Variants in LRRC1 observed in about 807,000 individuals in gnomAD.
The protein encoded by LRRC1 is leucine-rich repeat-containing protein 1.
Under a neutral mutation model 69.9 loss-of-function variants are expected in LRRC1, and 28 were observed. The ratio of observed to expected loss-of-function variants is 0.40; its 90% CI spans 0.30 to 0.55. The LOEUF (loss-of-function observed/expected upper bound fraction) is 0.55. LRRC1 is among the 20% of genes least tolerant of loss of function. LRRC1 has a pLI of 0.47. For synonymous variants in LRRC1, 236 were observed against 240.2 expected (o/e 0.98, Z 0.16); for missense variants, 498 against 609.0 (o/e 0.82, Z 1.92).
At chr6:53,833,962 G>A (rs1363427661) in intron 1 of LRRC1, among the ~76,000 whole-genome samples, 1 of 152,156 alleles carries the variant, frequency 6.6e-6, no homozygotes, top group African/African-American at 2.4e-5. Context: ...TATGAAAATT[G>A]TTCAGCATTA....
Position 53,899,842 on chromosome 6 carries a change from G to A in LRRC1, c.738G>A (p.Thr246=), listed in dbSNP as rs530175448. Residue 246 remains threonine, a synonymous_variant, in exon 8 of 14, where the codon ACG becomes ACA. Coordinates refer to ENST00000370888, the MANE Select transcript of LRRC1 (RefSeq NM_018214.5). ...AAATCAGTGGCCTGACTTCATTAAC[G>A]GATTTAGTCATTTCCCAGAACTTAT... ...PEEISGLTSL[T]DLVISQNLLE... The A allele has an allele frequency of 1.1e-5, 18 of 1,613,978 alleles. No homozygotes were observed. Among genetic ancestry groups the A allele is most frequent in the South Asian group, 7.7e-5 (7 of 91,074 alleles).
At chr6:53,911,143 C>T (rs530685736) in intron 10 of LRRC1, among the ~76,000 whole-genome samples, 2 of 152,280 alleles carry the variant, frequency 1.3e-5, no homozygotes, top group Admixed American at 1.3e-4. Context: ...TGCTTTCCAC[C>T]CCTTGACGTC....
intron 4 of LRRC1, among the ~76,000 whole-genome samples, chr6:53,885,878 C>T (rs1176372103): frequency 6.6e-6 from 1 of 152,186 alleles, no homozygotes; most frequent in African/African-American, 2.4e-5. Flanking sequence ...AGAGCTAGAA[C>T]TGGACTACGG....
In LRRC1 at chr6:53,909,061, G is replaced by A. The variant is rs184234289; in HGVS notation, c.990+4599G>A. Among the ~76,000 whole-genome samples the A allele has an allele frequency of 7.2e-3, 1,101 of 152,236 alleles. 4 individuals carry two copies. The highest frequency in any genetic ancestry group is 0.01 in the Non-Finnish European group (711 of 68,012). ...TTTGATTCTGCAATTCCACGTCTAG[G>A]AAAACATTTATGGATATACACTAAG... On this transcript the variant is annotated intron_variant, in intron 10 of 13. Coordinates refer to ENST00000370888, the MANE Select transcript of LRRC1 (RefSeq NM_018214.5).
chr6:53,825,121 C>G (rs191949436), intron 1 of LRRC1, among the ~76,000 whole-genome samples: 1 of 152,150 alleles, frequency 6.6e-6, no homozygotes, highest in Non-Finnish European at 1.5e-5. Context: ...TTTCAGTGTC[C>G]TCTGCACTAC....
intron 4 of LRRC1, among the ~76,000 whole-genome samples, chr6:53,890,173 C>T (rs866338929): frequency 7.9e-5 from 12 of 152,096 alleles, no homozygotes; most frequent in South Asian, 2.1e-4. Flanking sequence ...GTTAAAGAAA[C>T]GAATACCCTC....
intron 1 of LRRC1, among the ~76,000 whole-genome samples, chr6:53,832,885 A>G (rs752345183): frequency 8.5e-5 from 13 of 152,186 alleles, no homozygotes; most frequent in Non-Finnish European, 1.5e-4. Flanking sequence ...GTACATATAT[A>G]CAATTTTACA....
At chr6:53,919,153 A>G (rs1768657241) in intron 11 of LRRC1, 1 of 159,898 alleles carries the variant, frequency 6.3e-6, no homozygotes, top group Admixed American at 6.5e-5. Flanking sequence ...GGTCCTTCCA[A>G]AATCACCTTG....
At position 53,919,552 on chromosome 6, in the gene LRRC1, A is replaced by C; in HGVS notation, c.1161A>C (p.Leu387=). 1.9e-6 allele frequency: 3 copies of C among 1,612,548 alleles called. No homozygotes were observed. The highest frequency in any genetic ancestry group is 2.5e-6 in the Non-Finnish European group (3 of 1,179,606). The change falls in exon 12 of 14, where the codon CTA becomes CTC. Residue 387 remains leucine, a synonymous_variant. Transcript: ENST00000370888. Reference sequence around the variant, plus strand: ...CCTTGAAGTTGAAGGCTCTGTGGCTATCTGACAACCAGTCCCAGCCCCTGC... The same window carrying C: ...CCTTGAAGTTGAAGGCTCTGTGGCTCTCTGACAACCAGTCCCAGCCCCTGC... ...LTALKLKALW[L]SDNQSQPLLT...
intron 1 of LRRC1, among the ~76,000 whole-genome samples, chr6:53,808,620 C>T (rs1397445452): frequency 6.6e-6 from 1 of 152,074 alleles, no homozygotes; most frequent in Non-Finnish European, 1.5e-5. Flanking sequence ...ACTTGCCAAG[C>T]AGCTACTAAG....
chr6:53,801,895 C>T (rs1313524766), intron 1 of LRRC1, among the ~76,000 whole-genome samples: 2 of 152,140 alleles, frequency 1.3e-5, no homozygotes. Context: ...GTATTAAGTG[C>T]TCTACATAAA....
chr6:53,894,767 G>A (rs1245407584), intron 4 of LRRC1, among the ~76,000 whole-genome samples: 1 of 152,100 alleles, frequency 6.6e-6, no homozygotes, highest in South Asian at 2.1e-4. Flanking sequence ...GAGATACTGG[G>A]TGGTGTACAT....
At chr6:53,872,402 A>G (rs1766917025) in intron 2 of LRRC1, among the ~76,000 whole-genome samples, 1 of 151,916 alleles carries the variant, frequency 6.6e-6, no homozygotes, top group Non-Finnish European at 1.5e-5. Context: ...GAGTGGATTT[A>G]TTTCTGGGTT....
intron 4 of LRRC1, among the ~76,000 whole-genome samples, chr6:53,891,671 T>C (rs1180593520): frequency 1.3e-5 from 2 of 152,148 alleles, no homozygotes; most frequent in Non-Finnish European, 2.9e-5. Context: ...AACTCTTTAC[T>C]GAATATATTG....
At chr6:53,907,059 G>A (rs9382252) in intron 10 of LRRC1, among the ~76,000 whole-genome samples, 29,365 of 152,172 alleles carry the variant, frequency 0.19, 3,324 homozygotes, top group East Asian at 0.49. Flanking sequence ...ATTGCATCAC[G>A]TTGGCCCAGG....
chr6:53,821,509 C>T (rs1765114273), intron 1 of LRRC1, among the ~76,000 whole-genome samples: 1 of 152,150 alleles, frequency 6.6e-6, no homozygotes, highest in Admixed American at 6.5e-5. Context: ...GCTAAGTCAC[C>T]TGGCTCAGGG....
At chr6:53,815,065 G>A (rs1764911801) in intron 1 of LRRC1, among the ~76,000 whole-genome samples, 1 of 151,842 alleles carries the variant, frequency 6.6e-6, no homozygotes, top group South Asian at 2.1e-4. Context: ...AGAAGCACCT[G>A]GGGAGTTCTT....
chr6:53,904,297 T>C, intron 9 of LRRC1, 82 bp from the exon 10 acceptor site: 1 of 798,206 alleles, frequency 1.3e-6, no homozygotes, highest in South Asian at 1.6e-5. Flanking sequence ...TTATATTCTT[T>C]AGGTCCTTGC....
intron 10 of LRRC1, chr6:53,905,073 A>C (rs749820000): frequency 6.6e-6 from 1 of 152,382 alleles, no homozygotes; most frequent in Admixed American, 6.5e-5. Flanking sequence ...GTATGGACTG[A>C]GAGGCATTTA....
Sources: gnomAD v4.1 joint callset for allele counts (sites outside exome capture counted in the v4.1 genomes callset) on GRCh38, gnomAD v4.1.1 for gene constraint, MANE v1.5 for transcripts, NCBI Gene and HGNC (gene_info 2026-07-23, HGNC 2026-07-21) for gene names.